DISP3: variants seen among roughly 807,000 people sequenced by gnomAD.
DISP3 encodes dispatched RND transporter family member 3, also known as protein dispatched homolog 3.
DISP3 carries 101 observed loss-of-function variants against 135.3 expected under a neutral mutation model. That is an observed-to-expected ratio of 0.75 (90% CI 0.64 to 0.88). DISP3 has a LOEUF of 0.88. Among genes scored for constraint, DISP3 ranks in the 40% least tolerant of loss-of-function variants. DISP3 has a pLI of 0.00. For missense variants in DISP3, 1,713 were observed against 1,878.6 expected (o/e 0.91, Z 1.63); for synonymous variants, 856 against 817.0 (o/e 1.05, Z -0.81).
rs762045455 is a variant in DISP3 at position 11,536,622 on chromosome 1, G to T, written c.4115G>T (p.Gly1372Val). ...CTGCTGGCAGGGGCCCTGGGGCTGG[G>T]TGCCTGCCTCGTGCTCCTGCAGAGC... is the stretch of plus-strand genomic sequence containing the variant. ...AVLLAGALGLGACLVLLQSGY... is the reference protein window; with the variant it reads ...AVLLAGALGLVACLVLLQSGY... The change falls in exon 21 of 21, where the codon GGT (glycine) becomes GTT (valine). Residue 1372 changes from glycine to valine, a missense_variant. Physicochemically the swap from Gly to Val is moderately radical, Grantham distance 109. This residue lies in a region of DISP3 where 1,142 missense variants were observed against 1,384.6 expected (regional missense o/e 0.82). Coordinates refer to ENST00000294484, the MANE Select transcript of DISP3 (RefSeq NM_020780.2). The surrounding 1 kb of genome is among the most constrained non-coding windows in gnomAD (Gnocchi z 4.3). The T allele has an allele frequency of 2.2e-5, 35 of 1,608,110 alleles. No homozygotes were observed. In the South Asian group the frequency reaches 3.9e-4, roughly 18 times the overall value.
At chr1:11,518,267 A>G (rs574994156) in intron 7 of DISP3, among the ~76,000 whole-genome samples, 2 of 152,272 alleles carry the variant, frequency 1.3e-5, no homozygotes, top group East Asian at 1.9e-4. Flanking sequence ...ACCCATGACA[A>G]TGTCCGCTCG....
At position 11,536,299 on chromosome 1, in the gene DISP3, C is replaced by A; in HGVS notation, c.3817-25C>A. The A allele has an allele frequency of 1.3e-6, 2 of 1,583,760 alleles. No individual in the cohort carries two copies. Among genetic ancestry groups the A allele is most frequent in the Non-Finnish European group, 1.7e-6 (2 of 1,171,478 alleles). ...AGAGGGGTCCCGCAGGCAGGCTGGG[C>A]TCCCAGCTCTCCTCTTGCCCCCAGG... On this transcript the variant is annotated intron_variant, in intron 20 of 20. Transcript: ENST00000294484. The surrounding 1 kb of genome is among the most constrained non-coding windows in gnomAD (Gnocchi z 4.3).
Position 11,526,840 on chromosome 1 carries a change from C to T in DISP3, c.2798+5C>T, listed in dbSNP as rs1642435022. 1.3e-6 allele frequency: 2 copies of T among 1,594,476 alleles called. No individual in the cohort carries two copies. Among genetic ancestry groups the T allele is most frequent in the African/African-American group, 2.7e-5 (2 of 74,746 alleles). On this transcript the variant is annotated splice_donor_5th_base_variant and intron_variant, in intron 13 of 20. Coordinates refer to ENST00000294484, the MANE Select transcript of DISP3 (RefSeq NM_020780.2). The stretch of plus-strand genomic sequence containing the variant: ...CAAGGAGCAGCAGCACACCCGGTAA[C>T]AGAGCCTGGCAGACAAGCCGGTGCC...
chr1:11,521,743 C>G (rs1390627482), intron 10 of DISP3, among the ~76,000 whole-genome samples: 1 of 151,868 alleles, frequency 6.6e-6, no homozygotes, highest in Non-Finnish European at 1.5e-5. Context: ...GAGGAGAGCA[C>G]CAGAGGTGGG....
intron 1 of DISP3, chr1:11,481,275 C>G (rs528575558): frequency 6.6e-6 from 1 of 152,164 alleles, no homozygotes; most frequent in African/African-American, 2.4e-5. Flanking sequence ...GTCCCCGTTA[C>G]TCTCTCTTTG....
At chr1:11,493,840 A>T (rs1641255630) in intron 1 of DISP3, among the ~76,000 whole-genome samples, 1 of 152,328 alleles carries the variant, frequency 6.6e-6, no homozygotes, top group South Asian at 2.1e-4. Context: ...CATAGAATTA[A>T]CCATCACACC....
intron 7 of DISP3, among the ~76,000 whole-genome samples, chr1:11,518,307 G>A (rs1443510459): frequency 6.6e-6 from 1 of 152,206 alleles, no homozygotes; most frequent in Non-Finnish European, 1.5e-5. Flanking sequence ...GGGCTGGAGG[G>A]AGAGAAGGGC....
At chr1:11,526,535 G>A (rs1207922568) in intron 12 of DISP3, 116 bp from the exon 13 acceptor site, 7 of 1,241,160 alleles carry the variant, frequency 5.6e-6, no homozygotes, top group Middle Eastern at 2.3e-4. Context: ...CCCCAACTCC[G>A]AGGACTGGGA....
intron 1 of DISP3, among the ~76,000 whole-genome samples, chr1:11,490,427 C>T (rs1641151756): frequency 6.6e-6 from 1 of 152,134 alleles, no homozygotes; most frequent in Non-Finnish European, 1.5e-5. Context: ...GCCACCATGC[C>T]TGGCTAATTT....
intron 3 of DISP3, among the ~76,000 whole-genome samples, chr1:11,503,864 G>T (rs1641625093): frequency 6.6e-6 from 1 of 152,170 alleles, no homozygotes; most frequent in Non-Finnish European, 1.5e-5. Flanking sequence ...ACACGATTCT[G>T]GCTGCCCTCT....
Position 11,534,556 on chromosome 1 carries a change from G to A in DISP3, c.3535+16G>A, listed in dbSNP as rs369825663. 817 of 1,591,616 alleles carry A rather than the reference G, an allele frequency of 5.1e-4. 14 individuals are homozygous for A. In the South Asian group the frequency reaches 8.6e-3, roughly 17 times the overall value. ...GAAATCGTAGGCAAGCGGCAGCCTC[G>A]CCCCTCCATCCTGGGTGGGCAGGAG... On this transcript the variant is annotated intron_variant, in intron 18 of 20. Transcript: ENST00000294484.
Position 11,516,002 on chromosome 1 carries a change from T to C in DISP3, c.1590T>C (p.Gly530=), listed in dbSNP as rs748373192. 11 of 1,613,630 alleles carry C rather than the reference T, an allele frequency of 6.8e-6. No individual in the cohort carries two copies. The highest frequency in any genetic ancestry group is 3.3e-5 in the Admixed American group (2 of 59,988). Residue 530 remains glycine (G), a splice_region_variant and synonymous_variant, in exon 6 of 21, where the codon GGT becomes GGC. Transcript: ENST00000294484. The surrounding 1 kb of genome is among the most constrained non-coding windows in gnomAD (Gnocchi z 5.1). Reference sequence around the variant, plus strand: ...CTGGCTGGGGACTCCCTCCCACAGGTGTGGACGATGTCTTTGTGTTCATCA... The same window carrying C: ...CTGGCTGGGGACTCCCTCCCACAGGCGTGGACGATGTCTTTGTGTTCATCA... ...GVAAFVIVGI[G]VDDVFVFINT...
chr1:11,480,036 T>C (rs1640851424), intron 1 of DISP3, among the ~76,000 whole-genome samples: 1 of 151,684 alleles, frequency 6.6e-6, no homozygotes, highest in African/African-American at 2.4e-5. Context: ...GCGCTGAGGG[T>C]CGGGAAAGAT....
At chr1:11,510,256 A>G (rs1371602360) in intron 3 of DISP3, among the ~76,000 whole-genome samples, 1 of 151,558 alleles carries the variant, frequency 6.6e-6, no homozygotes, top group Non-Finnish European at 1.5e-5. Flanking sequence ...CCTTTCCTGT[A>G]TTTTGCCTCT....
chr1:11,534,345 C>A (rs1642651648), intron 17 of DISP3, 36 bp from the exon 18 acceptor site: 1 of 1,613,302 alleles, frequency 6.2e-7, no homozygotes, highest in Non-Finnish European at 8.5e-7. Flanking sequence ...GGCCACAGTC[C>A]CTGCCTGTCT....
intron 15 of DISP3, among the ~76,000 whole-genome samples, chr1:11,530,331 A>G (rs1289320258): frequency 3.9e-5 from 6 of 152,088 alleles, no homozygotes; most frequent in African/African-American, 1.2e-4. Context: ...CTCCTGTCCA[A>G]TGTGGGGCTC....
In DISP3 at chr1:11,517,457, C is replaced by T. The variant is rs142133175; in HGVS notation, c.1750-6C>T. The T allele has an allele frequency of 5.0e-6, 8 of 1,613,914 alleles. No individual in the cohort carries two copies. The East Asian group carries it at 1.3e-4, about 27-fold the overall frequency. On this transcript the variant is annotated splice_region_variant and splice_polypyrimidine_tract_variant and intron_variant, in intron 6 of 20. Transcript: ENST00000294484. ...CCCACATCCCTCTCTTCCTTTCCAT[C>T]ACCAGATCCCAGCCGTCCACGACTT...
chr1:11,535,777 T>A, intron 20 of DISP3, 133 bp downstream of exon 20: 2 of 1,220,454 alleles, frequency 1.6e-6, no homozygotes, highest in Non-Finnish European at 2.2e-6. Flanking sequence ...TTCTAGAAAC[T>A]AAGGTTTCCC....
rs967827179 is a variant in DISP3, at chr1:11,536,904, C to G, written c.*218C>G. The G allele has an allele frequency of 6.2e-6, 4 of 648,772 alleles. No individual in the cohort carries two copies. Among genetic ancestry groups the G allele is most frequent in the African/African-American group, 1.8e-5 (1 of 54,346 alleles). The allele number at this position is 648,772 out of a possible 1,614,324, so 40.2% of individuals were successfully genotyped here. On this transcript the variant is annotated 3_prime_UTR_variant, in exon 21 of 21. Transcript: ENST00000294484. This position sits in a 1 kb window ranked among gnomAD's most constrained non-coding sequence, Gnocchi z 4.3. ...GCCACCCCACAGGCCGGGCTACTGGCAGCCACACTCGGCTTTTTGCCCAGT... is the reference window on the plus strand; with the variant it reads ...GCCACCCCACAGGCCGGGCTACTGGGAGCCACACTCGGCTTTTTGCCCAGT...
Sources: allele counts gnomAD v4.1 joint callset (sites outside exome capture counted in the v4.1 genomes callset), GRCh38; gene constraint gnomAD v4.1.1; regional missense constraint gnomAD v4.1.1; non-coding constraint Gnocchi (gnomAD v3.1); transcripts MANE v1.5; gene names NCBI Gene and HGNC (gene_info 2026-07-23, HGNC 2026-07-21).